The following SMG6 variants were observed in gnomAD, a reference collection of about 807,000 sequenced individuals.
SMG6 encodes SMG6 nonsense mediated mRNA decay factor.
A neutral mutation model predicts 142.2 loss-of-function variants in SMG6; 66 were observed. That is an observed-to-expected ratio of 0.46 (90% confidence interval 0.38 to 0.57). The LOEUF is 0.57. Ranked by LOEUF, SMG6 falls within the 20% of genes least tolerant of loss-of-function variation. SMG6 has a pLI of 0.00. For synonymous variants in SMG6, 779 were observed against 702.4 expected, an observed-to-expected ratio of 1.11 and a Z score of -1.72; for missense variants, 1,793 against 1,832.0, an observed-to-expected ratio of 0.98 and a Z score of 0.39.
At chr17:2,276,892 C>T (rs2074661713) in intron 8 of SMG6, among the ~76,000 whole-genome samples, 2 of 152,136 alleles carry the variant, frequency 1.3e-5, no homozygotes, top group Admixed American at 1.3e-4. Flanking sequence ...AGTGATTCTC[C>T]TGCCTCAGCC....
At chr17:2,144,910 A>G (rs1201939262) in intron 13 of SMG6, among the ~76,000 whole-genome samples, 1 of 152,084 alleles carries the variant, frequency 6.6e-6, no homozygotes, top group Non-Finnish European at 1.5e-5. Context: ...CCCGCTCACC[A>G]TAGTCCAAGC....
At chr17:2,248,942 A>C (rs1401301678) in intron 8 of SMG6, among the ~76,000 whole-genome samples, 2 of 151,642 alleles carry the variant, frequency 1.3e-5, no homozygotes, top group Non-Finnish European at 2.9e-5. Context: ...GCTGGAGTGC[A>C]GTGGCGCTAT....
chr17:2,109,585 T>C (rs1417702805), intron 13 of SMG6, among the ~76,000 whole-genome samples: 1 of 152,082 alleles, frequency 6.6e-6, no homozygotes, highest in African/African-American at 2.4e-5. Context: ...TTATTAAATA[T>C]TTTCAAGGCA....
At position 2,071,629 on chromosome 17, in the gene SMG6, C is replaced by A. The variant is rs777014566; in HGVS notation, c.3682-2698G>T. 6.6e-6 allele frequency among the ~76,000 whole-genome samples: 1 copy of A among 152,202 alleles called. No homozygotes were observed. The highest frequency in any genetic ancestry group is 1.5e-5 in the Non-Finnish European group (1 of 68,038). ...GACAACTTCCCTTAACCTGGCTCTG[C>A]CCAGTGAGTCACCAAACAACTGCTT... On this transcript the variant is annotated intron_variant, in intron 15 of 18. Transcript: ENST00000263073. The surrounding 1 kb of genome is among the most constrained non-coding windows in gnomAD (Gnocchi z 5.6).
At chr17:2,297,563 A>AAC (rs113462824) in intron 3 of SMG6, among the ~76,000 whole-genome samples, 21,269 of 150,564 alleles carry the variant, frequency 0.14, 1,699 homozygotes, top group African/African-American at 0.23. Context: ...TGAACACATG[A>AAC]ACACACACAC....
chr17:2,237,406 G>C, intron 9 of SMG6: 2 of 604,400 alleles, frequency 3.3e-6, no homozygotes, highest in Non-Finnish European at 4.1e-6. Flanking sequence ...TAGGTAACCA[G>C]ACATAGTTCT....
chr17:2,114,956 A>T (rs376923723), intron 13 of SMG6, among the ~76,000 whole-genome samples: 33 of 44,572 alleles, frequency 7.4e-4, no homozygotes, highest in African/African-American at 3.1e-3. Context: ...TAAAATAAAA[A>T]AATGAAATGA....
intron 13 of SMG6, among the ~76,000 whole-genome samples, chr17:2,136,703 C>T (rs2070315296): frequency 6.6e-6 from 1 of 151,982 alleles, no homozygotes; most frequent in Non-Finnish European, 1.5e-5. Flanking sequence ...ACGATTCAAT[C>T]CCTGAAAAGG....
intron 13 of SMG6, among the ~76,000 whole-genome samples, chr17:2,130,692 T>TC (rs1405299537): frequency 6.6e-6 from 1 of 151,912 alleles, no homozygotes; most frequent in Non-Finnish European, 1.5e-5. Flanking sequence ...TCCTTTTTTT[T>TC]CATGTAAAAT....
At chr17:2,185,629 TGA>T (rs2071955906) in intron 12 of SMG6, among the ~76,000 whole-genome samples, 1 of 151,960 alleles carries the variant, frequency 6.6e-6, no homozygotes, top group Non-Finnish European at 1.5e-5. Context: ...ACAAATGCTC[TGA>T]GAGATGCCAG....
intron 13 of SMG6, among the ~76,000 whole-genome samples, chr17:2,169,888 G>A (rs563709948): frequency 1.6e-4 from 24 of 152,286 alleles, no homozygotes; most frequent in Admixed American, 1.3e-3. Flanking sequence ...CAGTCAGAAG[G>A]CATTTCAGAG....
intron 18 of SMG6, chr17:2,061,906 C>A: frequency 2.7e-6 from 1 of 372,920 alleles, no homozygotes; most frequent in Admixed American, 3.9e-5. Context: ...CCTCCCAGGA[C>A]CCTAAACTGA....
Position 2,085,128 on chromosome 17 carries a change from G to GCA in SMG6, c.3534+595_3534+596dup, listed in dbSNP as rs535200947. ...GGCTCATGCATGTGCATGCGCGTGC[G>GCA]CACACACACACACAGACGCGCACAC... On this transcript the variant is annotated intron_variant, in intron 14 of 18. Coordinates refer to ENST00000263073, the MANE Select transcript of SMG6 (RefSeq NM_017575.5). The surrounding 1 kb of genome is among the most constrained non-coding windows in gnomAD (Gnocchi z 4.1). 1.8e-3 allele frequency among the ~76,000 whole-genome samples: 267 copies of GCA among 151,740 alleles called. No individual in the cohort carries two copies. Among genetic ancestry groups the GCA allele is most frequent in the Non-Finnish European group, 2.8e-3 (187 of 67,830 alleles).
At chr17:2,157,306 C>A (rs973309136) in intron 13 of SMG6, among the ~76,000 whole-genome samples, 1 of 152,220 alleles carries the variant, frequency 6.6e-6, no homozygotes, top group Non-Finnish European at 1.5e-5. Context: ...CAGACAGACT[C>A]TAACCAGGCC....
intron 13 of SMG6, among the ~76,000 whole-genome samples, chr17:2,110,336 G>T (rs2069277302): frequency 6.6e-6 from 1 of 152,048 alleles, no homozygotes; most frequent in South Asian, 2.1e-4. Context: ...TCCCACCTTT[G>T]ATTTTTAGGC....
At chr17:2,094,097 C>T (rs373895152) in intron 13 of SMG6, among the ~76,000 whole-genome samples, 122 of 152,282 alleles carry the variant, frequency 8.0e-4, no homozygotes, top group African/African-American at 2.6e-3. Context: ...TCCCGGGCTT[C>T]GGAACAAGCG....
chr17:2,294,526 G>A (rs755029855), intron 4 of SMG6, among the ~76,000 whole-genome samples: 7 of 152,050 alleles, frequency 4.6e-5, no homozygotes, highest in Admixed American at 2.0e-4. Context: ...AACACACCAC[G>A]GTGTTCTCCA....
intron 10 of SMG6, among the ~76,000 whole-genome samples, chr17:2,218,684 C>T (rs890909442): frequency 6.6e-6 from 1 of 152,186 alleles, no homozygotes; most frequent in South Asian, 2.1e-4. Context: ...CATGTCATCA[C>T]CTGAGGTGAG....
intron 13 of SMG6, among the ~76,000 whole-genome samples, chr17:2,161,445 A>C (rs2071177406): frequency 6.7e-6 from 1 of 148,424 alleles, no homozygotes; most frequent in Admixed American, 6.7e-5. Context: ...AGTCTCACAC[A>C]CTGTCACCCG....
Sources: allele counts gnomAD v4.1 joint callset (sites outside exome capture counted in the v4.1 genomes callset), GRCh38; gene constraint gnomAD v4.1.1; non-coding constraint Gnocchi (gnomAD v3.1); transcripts MANE v1.5; gene names NCBI Gene and HGNC (gene_info 2026-07-23, HGNC 2026-07-21).